STX8: variants seen among roughly 807,000 people sequenced by gnomAD.
STX8 encodes syntaxin 8.
In STX8, 23 loss-of-function variants were observed where a neutral mutation model predicts 37.5. That is an observed-to-expected ratio of 0.61 (90% CI 0.44 to 0.87). The LOEUF is 0.87. Ranked by LOEUF, STX8 falls within the 40% of genes least tolerant of loss-of-function variation. The pLI is 0.00. For synonymous variants in STX8, 115 were observed against 99.1 expected (o/e 1.16, Z -0.95); for missense variants, 313 against 284.7 (o/e 1.10, Z -0.71).
At chr17:9,414,280 G>A (rs1913100325) in intron 6 of STX8, among the ~76,000 whole-genome samples, 1 of 151,688 alleles carries the variant, frequency 6.6e-6, no homozygotes, top group African/African-American at 2.4e-5. Context: ...TGGAGGGAAA[G>A]GGCTGGAACA....
At chr17:9,334,823 G>A (rs1321621929) in intron 7 of STX8, among the ~76,000 whole-genome samples, 1 of 152,150 alleles carries the variant, frequency 6.6e-6, no homozygotes, top group African/African-American at 2.4e-5. Flanking sequence ...GACAGGAAAA[G>A]GGGGCTGAAT....
intron 6 of STX8, among the ~76,000 whole-genome samples, chr17:9,381,258 T>C (rs566694480): frequency 2.2e-3 from 338 of 152,082 alleles, no homozygotes; most frequent in African/African-American, 7.7e-3. Flanking sequence ...TTTTTTTTTT[T>C]CCTCCCTCCT....
At chr17:9,566,352 A>G (rs9912361) in intron 2 of STX8, among the ~76,000 whole-genome samples, 9,007 of 152,324 alleles carry the variant, frequency 0.059, 406 homozygotes, top group African/African-American at 0.13. Context: ...ATACACTGTT[A>G]GTGGGAGTGT....
At chr17:9,301,272 T>TA (rs1908771386) in intron 7 of STX8, among the ~76,000 whole-genome samples, 1 of 152,066 alleles carries the variant, frequency 6.6e-6, no homozygotes, top group African/African-American at 2.4e-5. Flanking sequence ...GAGTAATTTT[T>TA]AAAAAACAAC....
intron 7 of STX8, among the ~76,000 whole-genome samples, chr17:9,259,974 T>C (rs1906948393): frequency 1.3e-5 from 2 of 152,040 alleles, no homozygotes; most frequent in African/African-American, 4.8e-5. Context: ...TCCCAGCACT[T>C]TGGGAGGTCA....
intron 6 of STX8, among the ~76,000 whole-genome samples, chr17:9,403,216 G>A (rs1912686945): frequency 6.6e-6 from 1 of 152,108 alleles, no homozygotes; most frequent in African/African-American, 2.4e-5. Context: ...AATCTAGAGA[G>A]GAATTTCACA....
chr17:9,324,115 C>CTG (rs1567783635), intron 7 of STX8, among the ~76,000 whole-genome samples: 6 of 132,974 alleles, frequency 4.5e-5, no homozygotes, highest in Middle Eastern at 3.7e-3. Context: ...CTCTGTCTCT[C>CTG]TCTCTCTCTC....
intron 7 of STX8, among the ~76,000 whole-genome samples, chr17:9,328,065 CTTTCTTTCTTTTCT>C (rs1312057369): frequency 1.5e-4 from 23 of 150,890 alleles, no homozygotes; most frequent in Non-Finnish European, 2.7e-4. Flanking sequence ...CCCCCTCTCT[CTTTCTTTCTTTTCT>C]TTTCTTTCTT....
chr17:9,359,832 T>C (rs1353167129), intron 7 of STX8, among the ~76,000 whole-genome samples: 2 of 151,996 alleles, frequency 1.3e-5, no homozygotes, highest in Non-Finnish European at 2.9e-5. Flanking sequence ...TAATTTTCTC[T>C]GGTTAATGAA....
chr17:9,253,925 G>A (rs10521155), intron 7 of STX8, among the ~76,000 whole-genome samples: 41,952 of 152,090 alleles, frequency 0.28, 6,132 homozygotes, highest in Non-Finnish European at 0.32. Context: ...CGGAGCGTGA[G>A]GTCCAAGGGA....
chr17:9,483,028 A>T (rs1906413562), intron 6 of STX8, among the ~76,000 whole-genome samples: 1 of 152,154 alleles, frequency 6.6e-6, no homozygotes, highest in African/African-American at 2.4e-5. Context: ...TTCAATGACA[A>T]TTCACAAAAA....
At chr17:9,519,614 C>G (rs1022892939) in intron 4 of STX8, among the ~76,000 whole-genome samples, 2 of 152,222 alleles carry the variant, frequency 1.3e-5, no homozygotes, top group South Asian at 2.1e-4. Context: ...CTCACCCTAT[C>G]ACTTCCCTAT....
At chr17:9,253,207 GGTGT>G (rs36048368) in intron 7 of STX8, among the ~76,000 whole-genome samples, 3,164 of 140,996 alleles carry the variant, frequency 0.022, 88 homozygotes, top group African/African-American at 0.071. Flanking sequence ...CAGGGGTAGG[GGTGT>G]GTGTGTGTGT....
At chr17:9,265,124 A>C (rs1415470000) in intron 7 of STX8, among the ~76,000 whole-genome samples, 25 of 128,922 alleles carry the variant, frequency 1.9e-4, no homozygotes, top group Admixed American at 1.5e-3. Flanking sequence ...GTCTGAAAAG[A>C]AAAAAAAAAA....
chr17:9,297,355 C>T (rs886694118), intron 7 of STX8, among the ~76,000 whole-genome samples: 2 of 152,144 alleles, frequency 1.3e-5, no homozygotes, highest in African/African-American at 4.8e-5. Flanking sequence ...CACTGTCACC[C>T]TTCCTGCCAC....
intron 7 of STX8, among the ~76,000 whole-genome samples, chr17:9,316,285 A>C (rs1597600508): frequency 6.6e-6 from 1 of 152,124 alleles, no homozygotes; most frequent in East Asian, 1.9e-4. Flanking sequence ...CTAAAGTGAT[A>C]AGTGTCTTTC....
At chr17:9,380,008 CTTT>C (rs892681176) in intron 6 of STX8, among the ~76,000 whole-genome samples, 1 of 151,556 alleles carries the variant, frequency 6.6e-6, no homozygotes, top group Non-Finnish European at 1.5e-5. Flanking sequence ...AAATTCATTT[CTTT>C]TTTAATTCTA....
chr17:9,251,550 C>T (rs1906578198), intron 7 of STX8, among the ~76,000 whole-genome samples: 1 of 152,174 alleles, frequency 6.6e-6, no homozygotes, highest in Non-Finnish European at 1.5e-5. Context: ...AGGTGGGTAG[C>T]AGAGGAGGAG....
At chr17:9,431,417 T>C (rs1258943562) in intron 6 of STX8, among the ~76,000 whole-genome samples, 1 of 148,202 alleles carries the variant, frequency 6.7e-6, no homozygotes, top group African/African-American at 2.5e-5. Flanking sequence ...TCTCATTGGG[T>C]AGCAGGGTTT....
Sources: gnomAD v4.1 joint callset for allele counts (sites outside exome capture counted in the v4.1 genomes callset) on GRCh38, gnomAD v4.1.1 for gene constraint, MANE v1.5 for transcripts, NCBI Gene and HGNC (gene_info 2026-07-23, HGNC 2026-07-21) for gene names.